Variants in VPS8 observed in about 807,000 individuals in gnomAD.
VPS8 encodes the protein vacuolar protein sorting-associated protein 8 homolog.
A neutral mutation model predicts 216.4 loss-of-function variants in VPS8; 129 were observed. The observed-to-expected ratio is 0.60, with a 90% CI of 0.52 to 0.69. The LOEUF (loss-of-function observed/expected upper bound fraction) is 0.69, where lower values mean the gene tolerates loss of function less well. Ranked by LOEUF, VPS8 falls within the 30% of genes least tolerant of loss-of-function variation. VPS8 has a pLI of 0.00. For missense variants in VPS8, 1,531 were observed against 1,683.5 expected (o/e 0.91, Z 1.59); for synonymous variants, 571 against 565.4 (o/e 1.01, Z -0.14).
intron 39 of VPS8, among the ~76,000 whole-genome samples, chr3:184,969,045 A>G (rs1434241686): frequency 1.3e-5 from 2 of 152,188 alleles, no homozygotes; most frequent in Non-Finnish European, 2.9e-5. Flanking sequence ...TACTATCAGT[A>G]TGTGTTTAGT....
chr3:184,832,282 G>A (rs1290432740), intron 3 of VPS8, among the ~76,000 whole-genome samples: 1 of 152,052 alleles, frequency 6.6e-6, no homozygotes, highest in Non-Finnish European at 1.5e-5. Context: ...TACCCAGAAT[G>A]CCTTTCTGCT....
chr3:185,010,880 G>C (rs6444015), intron 45 of VPS8, among the ~76,000 whole-genome samples: 137,326 of 152,090 alleles, frequency 0.9, 62,978 homozygotes, highest in Non-Finnish European at 0.98. Context: ...GCACATGCCT[G>C]TGGTCCCAGC....
intron 3 of VPS8, among the ~76,000 whole-genome samples, chr3:184,828,066 T>C (rs914751313): frequency 6.6e-6 from 1 of 152,208 alleles, no homozygotes; most frequent in Non-Finnish European, 1.5e-5. Context: ...GATGCATATA[T>C]TCTATAATGT....
intron 39 of VPS8, 117 bp downstream of exon 39, chr3:184,966,830 G>A: frequency 1.6e-6 from 1 of 639,122 alleles, no homozygotes; most frequent in South Asian, 4.7e-5. Context: ...CATAATTACT[G>A]TTTATTCATT....
intron 28 of VPS8, among the ~76,000 whole-genome samples, chr3:184,916,797 G>T (rs184734818): frequency 1.8e-4 from 28 of 152,228 alleles, no homozygotes; most frequent in African/African-American, 4.1e-4. Flanking sequence ...AGAAAACAAA[G>T]AACTTAATGT....
intron 23 of VPS8, among the ~76,000 whole-genome samples, chr3:184,897,699 A>G (rs748983759): frequency 1.3e-5 from 2 of 151,672 alleles, no homozygotes; most frequent in Non-Finnish European, 2.9e-5. Flanking sequence ...TCTCACTTCC[A>G]TTTTCCCTCT....
At chr3:184,976,276 G>A (rs1031104834) in intron 40 of VPS8, among the ~76,000 whole-genome samples, 4 of 151,754 alleles carry the variant, frequency 2.6e-5, no homozygotes, top group African/African-American at 7.3e-5. Flanking sequence ...AATTTCCATA[G>A]TTGTTTAACT....
Position 184,868,988 on chromosome 3 carries a change from T to C in VPS8, c.1549T>C (p.Leu517=). Reference sequence around the variant, plus strand: ...GAAACAAGATTGTCTTACAGAAGCGTTGGCTCTTGCGTGGTCTTTCCATGA... The same window carrying C: ...GAAACAAGATTGTCTTACAGAAGCGCTGGCTCTTGCGTGGTCTTTCCATGA... The part of the protein sequence containing the change: ...LLKQDCLTEA[L]ALAWSFHEGK... The change falls in exon 19 of 48, where the codon TTG becomes CTG. Residue 517 remains leucine, a synonymous_variant. Transcript: ENST00000625842. 1 of 1,611,012 alleles carries C rather than the reference T, an allele frequency of 6.2e-7. No homozygotes were observed. The highest frequency in any genetic ancestry group is 1.1e-5 in the South Asian group (1 of 90,076).
chr3:184,886,425 G>C (rs1731236504), intron 22 of VPS8, among the ~76,000 whole-genome samples: 2 of 151,494 alleles, frequency 1.3e-5, no homozygotes, highest in East Asian at 3.9e-4. Context: ...CTACTTAGGG[G>C]TTTTAAAAGT....
intron 34 of VPS8, among the ~76,000 whole-genome samples, chr3:184,935,627 G>T (rs1445304537): frequency 3.3e-5 from 5 of 152,156 alleles, no homozygotes; most frequent in South Asian, 4.1e-4. Context: ...CAAGTAAGAA[G>T]AGAGTTTTAA....
chr3:184,988,400 C>G (rs1216696153), intron 42 of VPS8, among the ~76,000 whole-genome samples: 1 of 152,170 alleles, frequency 6.6e-6, no homozygotes, highest in Non-Finnish European at 1.5e-5. Context: ...ACAGTTGGAA[C>G]TAGTTCCAAC....
Position 185,048,576 on chromosome 3 carries a change from T to G in VPS8, c.4137+17T>G, listed in dbSNP as rs1713474354. The G allele has an allele frequency of 1.2e-6, 2 of 1,612,952 alleles. No homozygotes were observed. Among genetic ancestry groups the G allele is most frequent in the African/African-American group, 1.3e-5 (1 of 74,844 alleles). Reference sequence around the variant, plus strand: ...AGCTCCAGGGTAATGTTTGCGTGGTTGTTTATATTTTTATTTCCCTATTTA... The same window carrying G: ...AGCTCCAGGGTAATGTTTGCGTGGTGGTTTATATTTTTATTTCCCTATTTA... On this transcript the variant is annotated intron_variant, in intron 47 of 47. Coordinates refer to ENST00000625842, the MANE Select transcript of VPS8 (RefSeq NM_001009921.3).
intron 20 of VPS8, 96 bp from the exon 21 acceptor site, chr3:184,870,620 C>A: frequency 2.1e-6 from 2 of 956,732 alleles, no homozygotes; most frequent in Non-Finnish European, 3.0e-6. Context: ...ATTTTAATAA[C>A]AAATTCTAAT....
rs772446759 is a variant in VPS8 at position 184,993,968 on chromosome 3, A to AT, written c.3586-9dup. ...AATACAGAATTGTAACAGAATTGTA[A>AT]TTTTTTCCGATTAGGATCCAGTTTA... On this transcript the variant is annotated splice_polypyrimidine_tract_variant and intron_variant, in intron 42 of 47. Coordinates refer to ENST00000625842, the MANE Select transcript of VPS8 (RefSeq NM_001009921.3). The AT allele has an allele frequency of 6.5e-7, 1 of 1,526,808 alleles. No individual in the cohort carries two copies. The highest frequency in any genetic ancestry group is 1.3e-5 in the South Asian group (1 of 76,874). The allele number at this position is 1,526,808 out of a possible 1,614,324, so 94.6% of individuals were successfully genotyped here. A position where few individuals can be genotyped will look rare whatever the true frequency, so the allele number is the denominator to read the frequency against.
intron 10 of VPS8, 150 bp from the exon 11 acceptor site, chr3:184,852,350 G>A: frequency 1.6e-6 from 1 of 611,408 alleles, no homozygotes; most frequent in Non-Finnish European, 2.8e-6. Flanking sequence ...AAGTTTGTAA[G>A]TTTAGAGTGA....
chr3:185,006,697 G>C (rs1292048263), intron 45 of VPS8, among the ~76,000 whole-genome samples: 3 of 152,120 alleles, frequency 2.0e-5, no homozygotes, highest in Non-Finnish European at 4.4e-5. Context: ...CCTACACAGT[G>C]CATGGAGAGC....
chr3:184,846,695 A>G (rs1269190790), intron 8 of VPS8, among the ~76,000 whole-genome samples: 4 of 152,364 alleles, frequency 2.6e-5, no homozygotes, highest in Middle Eastern at 3.4e-3. Flanking sequence ...ACTCCAGGGT[A>G]TGAAATTTCA....
At chr3:184,831,136 T>C (rs1719895701) in intron 3 of VPS8, among the ~76,000 whole-genome samples, 2 of 152,066 alleles carry the variant, frequency 1.3e-5, no homozygotes, top group Non-Finnish European at 2.9e-5. Flanking sequence ...GAAGGAGAGA[T>C]GTACCGAAAA....
At chr3:184,967,607 G>A (rs1747635634) in intron 39 of VPS8, among the ~76,000 whole-genome samples, 1 of 152,096 alleles carries the variant, frequency 6.6e-6, no homozygotes, top group African/African-American at 2.4e-5. Context: ...GGAGGCCGAG[G>A]CAGGTGGATC....
Sources: gnomAD v4.1 joint callset for allele counts (sites outside exome capture counted in the v4.1 genomes callset) on GRCh38, gnomAD v4.1.1 for gene constraint, MANE v1.5 for transcripts, NCBI Gene and HGNC (gene_info 2026-07-23, HGNC 2026-07-21) for gene names.